FTCDNL1: variants seen among roughly 807,000 people sequenced by gnomAD.
FTCDNL1 encodes formiminotransferase N-terminal subdomain-containing protein.
In FTCDNL1, 11 loss-of-function variants were observed where a neutral mutation model predicts 5.9. The ratio of observed to expected loss-of-function variants is 1.87; its 90% confidence interval spans 1.18 to 3.10. The LOEUF (loss-of-function observed/expected upper bound fraction) is 3.10, where lower values mean the gene tolerates loss of function less well. Among genes scored for constraint, FTCDNL1 ranks in the 30% most tolerant of loss-of-function variants. FTCDNL1 has a pLI of 0.00. For missense variants in FTCDNL1, 115 were observed against 65.5 expected (o/e 1.76, Z -2.61); for synonymous variants, 58 against 24.8 (o/e 2.34, Z -3.99).
intron 3 of FTCDNL1, among the ~76,000 whole-genome samples, chr2:199,781,615 T>C (rs568975464): frequency 6.6e-6 from 1 of 152,148 alleles, no homozygotes; most frequent in Non-Finnish European, 1.5e-5. Flanking sequence ...GGAAAGTTAA[T>C]ATAGCCCTAG....
intron 3 of FTCDNL1, among the ~76,000 whole-genome samples, chr2:199,840,782 C>T (rs1338990175): frequency 1.3e-5 from 2 of 151,318 alleles, no homozygotes; most frequent in African/African-American, 4.9e-5. Flanking sequence ...ATGCCTGTAT[C>T]ATTTTGATAA....
chr2:199,793,712 C>T (rs1227072415), intron 3 of FTCDNL1, among the ~76,000 whole-genome samples: 1 of 151,980 alleles, frequency 6.6e-6, no homozygotes, highest in Non-Finnish European at 1.5e-5. Flanking sequence ...ATTGATATTC[C>T]CCCTTAAACA....
At chr2:199,827,881 A>G (rs1702129996) in intron 3 of FTCDNL1, among the ~76,000 whole-genome samples, 1 of 152,184 alleles carries the variant, frequency 6.6e-6, no homozygotes, top group African/African-American at 2.4e-5. Flanking sequence ...CCATATTTTA[A>G]CAATTCCTCT....
the FTCDNL1 span, among the ~76,000 whole-genome samples, chr2:199,665,891 G>A: frequency 8.7e-4 from 1 of 1,154 alleles, no homozygotes; most frequent in Non-Finnish European, 0.026. Context: ...TGTTTAGATT[G>A]TGTTACTGTT....
the FTCDNL1 span, among the ~76,000 whole-genome samples, chr2:199,704,961 C>A: frequency 6.6e-6 from 1 of 152,138 alleles, no homozygotes; most frequent in Admixed American, 6.6e-5. Context: ...GACTGAGGTT[C>A]TGTGGAAGCC....
Position 199,824,258 on chromosome 2 carries a change from A to G in FTCDNL1, c.212-4501T>C, listed in dbSNP as rs117944598. ...TCAATCTCATGAACCAACCTCTGCT[A>G]GATTCCAACTTTTCTTCCGTAGCAT... On this transcript the variant is annotated intron_variant, in intron 3 of 4. Transcript: ENST00000420128. 1.2e-4 allele frequency among the ~76,000 whole-genome samples: 18 copies of G among 152,352 alleles called. No homozygotes were observed. In the East Asian group the frequency reaches 3.5e-3, roughly 29 times the overall value.
chr2:199,821,674 G>A (rs1701702146), intron 3 of FTCDNL1, among the ~76,000 whole-genome samples: 1 of 151,532 alleles, frequency 6.6e-6, no homozygotes. Context: ...TGTTGGCCAG[G>A]CTGGTCTCAA....
intron 3 of FTCDNL1, among the ~76,000 whole-genome samples, chr2:199,837,384 T>G (rs1476935899): frequency 5.2e-5 from 8 of 152,382 alleles, no homozygotes; most frequent in African/African-American, 1.7e-4. Flanking sequence ...GTTTTTATGC[T>G]ATGGCAATGA....
downstream of FTCDNL1, among the ~76,000 whole-genome samples, chr2:199,808,328 G>C (rs1161293799): frequency 6.6e-6 from 1 of 152,088 alleles, no homozygotes; most frequent in African/African-American, 2.4e-5. Flanking sequence ...CAGATATGAG[G>C]GGATTTTTGT....
intron 2 of FTCDNL1, among the ~76,000 whole-genome samples, chr2:199,847,622 A>G (rs966386816): frequency 1.3e-5 from 2 of 152,236 alleles, no homozygotes; most frequent in Admixed American, 6.5e-5. Context: ...TGGTATTTGT[A>G]ATGGAGTATA....
intron 3 of FTCDNL1, among the ~76,000 whole-genome samples, chr2:199,803,033 G>T (rs1337057576): frequency 6.6e-6 from 1 of 150,708 alleles, no homozygotes; most frequent in Non-Finnish European, 1.5e-5. Flanking sequence ...AAAATAAAAA[G>T]AAATAAAAAA....
the FTCDNL1 span, among the ~76,000 whole-genome samples, chr2:199,707,619 C>T: frequency 1.1e-3 from 161 of 151,716 alleles, no homozygotes; most frequent in Non-Finnish European, 1.9e-3. Context: ...TCCTCTTTAA[C>T]GTATCTCGTA....
At chr2:199,718,749 T>G in the FTCDNL1 span, among the ~76,000 whole-genome samples, 1 of 152,220 alleles carries the variant, frequency 6.6e-6, no homozygotes, top group Non-Finnish European at 1.5e-5. Context: ...CCATCCAGAC[T>G]GGTGTAAGAC....
chr2:199,796,430 C>T (rs749772892), intron 3 of FTCDNL1, among the ~76,000 whole-genome samples: 10 of 152,140 alleles, frequency 6.6e-5, no homozygotes, highest in African/African-American at 4.8e-5. Context: ...CAAACGGTAC[C>T]GTCACTGAAG....
the FTCDNL1 span, among the ~76,000 whole-genome samples, chr2:199,685,837 T>A: frequency 6.6e-6 from 1 of 151,876 alleles, no homozygotes; most frequent in African/African-American, 2.4e-5. Context: ...AGAAAGGAGA[T>A]CTACTACATG....
the FTCDNL1 span, among the ~76,000 whole-genome samples, chr2:199,673,597 A>G: frequency 6.6e-6 from 1 of 152,216 alleles, no homozygotes; most frequent in Non-Finnish European, 1.5e-5. Flanking sequence ...AAACTCATAC[A>G]GTCCATGCGT....
At chr2:199,817,559 G>C (rs1229963256) in intron 4 of FTCDNL1, among the ~76,000 whole-genome samples, 3 of 152,046 alleles carry the variant, frequency 2.0e-5, no homozygotes, top group African/African-American at 7.2e-5. Flanking sequence ...GGCCAAGGTG[G>C]GTAGATGGCC....
At chr2:199,696,160 C>T in the FTCDNL1 span, among the ~76,000 whole-genome samples, 4 of 152,328 alleles carry the variant, frequency 2.6e-5, no homozygotes, top group African/African-American at 9.6e-5. Context: ...CACACACATG[C>T]ACATGCCGCC....
At chr2:199,793,334 T>A (rs531605622) in intron 3 of FTCDNL1, among the ~76,000 whole-genome samples, 21 of 150,770 alleles carry the variant, frequency 1.4e-4, no homozygotes, top group African/African-American at 4.8e-4. Flanking sequence ...CCTCTGAGAG[T>A]TAGTTTCATA....
Sources: gnomAD v4.1 joint callset for allele counts (sites outside exome capture counted in the v4.1 genomes callset) on GRCh38, gnomAD v4.1.1 for gene constraint, MANE v1.5 for transcripts, NCBI Gene and HGNC (gene_info 2026-07-23, HGNC 2026-07-21) for gene names.